ITGAV: variants seen among roughly 807,000 people sequenced by gnomAD.
ITGAV encodes integrin subunit alpha V.
ITGAV carries 76 observed loss-of-function variants against 143.8 expected under a neutral mutation model. The ratio of observed to expected loss-of-function variants is 0.53; its 90% confidence interval spans 0.44 to 0.64. ITGAV has a LOEUF of 0.64. Among genes scored for constraint, ITGAV ranks in the 30% least tolerant of loss-of-function variants. The pLI is 0.00. For missense variants in ITGAV, 1,193 were observed against 1,274.7 expected, an observed-to-expected ratio of 0.94 and a Z score of 0.98; for synonymous variants, 453 against 446.7, an observed-to-expected ratio of 1.01 and a Z score of -0.18.
At chr2:186,664,896 T>C (rs1433778781) in intron 20 of ITGAV, among the ~76,000 whole-genome samples, 1 of 152,172 alleles carries the variant, frequency 6.6e-6, no homozygotes, top group Non-Finnish European at 1.5e-5. Flanking sequence ...AGCCTGTCCA[T>C]CAAATTATTT....
chr2:186,668,710 A>T (rs1688982165), intron 24 of ITGAV, 52 bp from the exon 25 acceptor site: 1 of 1,536,418 alleles, frequency 6.5e-7, no homozygotes, highest in African/African-American at 1.4e-5. Context: ...GGGAAGGATT[A>T]TGGAACAGAT....
intron 12 of ITGAV, among the ~76,000 whole-genome samples, chr2:186,645,116 A>G (rs1424784876): frequency 6.6e-6 from 1 of 152,210 alleles, no homozygotes; most frequent in Non-Finnish European, 1.5e-5. Flanking sequence ...TAAGTAAACA[A>G]TGGGGAAATC....
chr2:186,665,565 G>A (rs1311084758), intron 21 of ITGAV, among the ~76,000 whole-genome samples: 1 of 152,168 alleles, frequency 6.6e-6, no homozygotes, highest in Non-Finnish European at 1.5e-5. Context: ...TACCAAGACT[G>A]TCAATCCTAG....
chr2:186,596,482 C>A (rs1231134111), intron 1 of ITGAV, among the ~76,000 whole-genome samples: 1 of 144,896 alleles, frequency 6.9e-6, no homozygotes, highest in Admixed American at 7.0e-5. Context: ...TGGAGTCTTG[C>A]TCTGTTGCCC....
chr2:186,641,372 TTCTGTTCTTC>T lies in ITGAV; in HGVS notation c.957-12_957-3del. 6.2e-7 allele frequency: 1 copy of T among 1,607,460 alleles called. No homozygotes were observed. On this transcript the variant is annotated splice_polypyrimidine_tract_variant and splice_region_variant and intron_variant, in intron 11 of 29. Coordinates refer to ENST00000261023, the MANE Select transcript of ITGAV (RefSeq NM_002210.5). ...ATTTGTTCTTGCTTTGGTGAGAAGTTTCTGTTCTTCTAGTTATGCAGATGTGTTTATTGGA... is the reference window on the plus strand; with the variant it reads ...ATTTGTTCTTGCTTTGGTGAGAAGTTTAGTTATGCAGATGTGTTTATTGGA...
chr2:186,657,450 C>T (rs1166150309), intron 17 of ITGAV, among the ~76,000 whole-genome samples: 14 of 152,028 alleles, frequency 9.2e-5, no homozygotes, highest in Non-Finnish European at 1.5e-5. Context: ...ACAAAAAGAT[C>T]AACTGGGAAT....
chr2:186,608,615 T>C (rs1687131136), intron 2 of ITGAV, among the ~76,000 whole-genome samples: 1 of 152,164 alleles, frequency 6.6e-6, no homozygotes, highest in Admixed American at 6.5e-5. Context: ...CTGAATTTTT[T>C]GTTGATTTTT....
At chr2:186,601,217 A>G (rs1686893866) in intron 1 of ITGAV, among the ~76,000 whole-genome samples, 1 of 152,238 alleles carries the variant, frequency 6.6e-6, no homozygotes, top group East Asian at 1.9e-4. Context: ...TAATCTTGTG[A>G]TAAGAAATTT....
intron 2 of ITGAV, among the ~76,000 whole-genome samples, chr2:186,606,780 A>G (rs950897619): frequency 2.6e-5 from 4 of 152,038 alleles, no homozygotes; most frequent in African/African-American, 9.7e-5. Context: ...TCATGCTTCA[A>G]TCCAATAGAA....
chr2:186,651,026 A>G (rs1163999087), intron 14 of ITGAV, among the ~76,000 whole-genome samples: 4 of 152,246 alleles, frequency 2.6e-5, no homozygotes. Context: ...TATTTTTATT[A>G]GAGCAATATG....
intron 2 of ITGAV, among the ~76,000 whole-genome samples, chr2:186,613,001 C>T (rs1378454735): frequency 1.3e-5 from 2 of 152,152 alleles, no homozygotes; most frequent in Non-Finnish European, 2.9e-5. Flanking sequence ...TTACTACTAA[C>T]TGACTGACAG....
At chr2:186,629,711 CAG>C (rs1310912154) in intron 4 of ITGAV, among the ~76,000 whole-genome samples, 1 of 151,918 alleles carries the variant, frequency 6.6e-6, no homozygotes, top group Non-Finnish European at 1.5e-5. Context: ...TGACTGAAAA[CAG>C]ATATTTTTGG....
rs199845024 is a variant in ITGAV, at chr2:186,656,360, G to A, written c.1678G>A (p.Gly560Arg). 1 of 1,554,040 alleles carries A rather than the reference G, an allele frequency of 6.4e-7. No individual in the cohort carries two copies. Among genetic ancestry groups the A allele is most frequent in the Admixed American group, 2.1e-5 (1 of 47,972 alleles). ...CTCCAAGAACATGACTATTTCAAGG[G>A]GGGGACTGATGCAGTGTGAGGAATT... ...SHSKNMTISR[G>R]GLMQCEELIA... Residue 560 changes from glycine (G) to arginine (R), a missense_variant, in exon 17 of 30, where the codon GGG becomes AGG. Coordinates refer to ENST00000261023, the MANE Select transcript of ITGAV (RefSeq NM_002210.5).
At chr2:186,605,581 G>T (rs1420536564) in intron 2 of ITGAV, among the ~76,000 whole-genome samples, 1 of 151,872 alleles carries the variant, frequency 6.6e-6, no homozygotes, top group Admixed American at 6.6e-5. Context: ...GTTCCATGAG[G>T]ACCGTTTTTT....
intron 18 of ITGAV, among the ~76,000 whole-genome samples, chr2:186,659,463 T>C (rs1025223967): frequency 6.6e-6 from 1 of 152,044 alleles, no homozygotes; most frequent in Admixed American, 6.6e-5. Context: ...AAAGTGCCAG[T>C]TTGTTTACAT....
At chr2:186,675,548 T>G in intron 26 of ITGAV, 56 bp from the exon 27 acceptor site, 2 of 1,341,876 alleles carry the variant, frequency 1.5e-6, no homozygotes, top group Non-Finnish European at 2.1e-6. Flanking sequence ...AATTTTCAAA[T>G]GTTGAAGAGA....
Position 186,638,324 on chromosome 2 carries a change from G to A in ITGAV, c.846+4G>A, listed in dbSNP as rs1456186780. Reference sequence around the variant, plus strand: ...AGCAGCAAGGACTTTGGGAATGGTAGGACAGTTAAAAGGTATTTTTTAAAA... The same window carrying A: ...AGCAGCAAGGACTTTGGGAATGGTAAGACAGTTAAAAGGTATTTTTTAAAA... On this transcript the variant is annotated splice_donor_region_variant and intron_variant, in intron 9 of 29. Transcript: ENST00000261023. 4.3e-6 allele frequency: 7 copies of A among 1,613,018 alleles called. No individual in the cohort carries two copies. Among genetic ancestry groups the A allele is most frequent in the Non-Finnish European group, 5.9e-6 (7 of 1,179,194 alleles).
At chr2:186,624,012 A>G (rs528606278) in intron 3 of ITGAV, among the ~76,000 whole-genome samples, 4 of 152,314 alleles carry the variant, frequency 2.6e-5, no homozygotes, top group African/African-American at 7.2e-5. Flanking sequence ...CACTCTCTGC[A>G]TAAGTATGAC....
chr2:186,644,411 C>T (rs1016238841), intron 12 of ITGAV, among the ~76,000 whole-genome samples: 18 of 151,936 alleles, frequency 1.2e-4, no homozygotes, highest in African/African-American at 3.4e-4. Flanking sequence ...CTGCAACCTC[C>T]GCCTCCTGGG....
Sources: gnomAD v4.1 joint callset for allele counts (sites outside exome capture counted in the v4.1 genomes callset) on GRCh38, gnomAD v4.1.1 for gene constraint, MANE v1.5 for transcripts, NCBI Gene and HGNC (gene_info 2026-07-23, HGNC 2026-07-21) for gene names.